The following LIPI variants were observed in gnomAD, a reference collection of about 807,000 sequenced individuals.
The protein encoded by LIPI is lipase I.
A neutral mutation model predicts 50.6 loss-of-function variants in LIPI; 59 were observed. The ratio of observed to expected loss-of-function variants is 1.16; its 90% CI spans 0.94 to 1.45. The LOEUF (loss-of-function observed/expected upper bound fraction) is 1.45. Ranked by LOEUF, LIPI falls within the 40% of genes most tolerant of loss-of-function variation. The pLI, the probability that LIPI is intolerant of heterozygous loss-of-function variation, is 0.00. For synonymous variants in LIPI, 203 were observed against 178.2 expected (o/e 1.14, Z -1.11); for missense variants, 586 against 536.3 (o/e 1.09, Z -0.92).
chr21:14,131,426 C>T (rs889492258), intron 9 of LIPI, among the ~76,000 whole-genome samples: 5 of 152,182 alleles, frequency 3.3e-5, no homozygotes, highest in African/African-American at 1.2e-4. Flanking sequence ...TACCTTAAGT[C>T]ACTGAGGAAA....
At chr21:14,193,504 T>G (rs2019746074) in intron 1 of LIPI, among the ~76,000 whole-genome samples, 2 of 152,198 alleles carry the variant, frequency 1.3e-5, no homozygotes, top group Admixed American at 1.3e-4. Flanking sequence ...TACAAGAGAC[T>G]CAGTTTAGAT....
intron 1 of LIPI, among the ~76,000 whole-genome samples, chr21:14,191,045 C>A (rs938382288): frequency 2.0e-5 from 3 of 151,738 alleles, no homozygotes; most frequent in African/African-American, 7.3e-5. Context: ...CATTAGAATG[C>A]AAGAAAAAAT....
intron 3 of LIPI, among the ~76,000 whole-genome samples, chr21:14,185,231 G>A (rs1171475816): frequency 6.6e-6 from 1 of 152,130 alleles, no homozygotes; most frequent in Non-Finnish European, 1.5e-5. Flanking sequence ...CCTCAAATTG[G>A]ATGCAACTCC....
chr21:14,131,971 G>T (rs1354728823), intron 9 of LIPI, among the ~76,000 whole-genome samples: 7 of 152,064 alleles, frequency 4.6e-5, no homozygotes, highest in Non-Finnish European at 1.0e-4. Flanking sequence ...GAAGAAGAAA[G>T]AATCTCAGAA....
intron 9 of LIPI, 46 bp from the exon 10 acceptor site, chr21:14,109,126 A>C: frequency 1.4e-6 from 2 of 1,466,216 alleles, no homozygotes; most frequent in African/African-American, 2.8e-5. Context: ...ACTATTAGTA[A>C]AACAACAGAG....
At chr21:14,141,170 T>A (rs902422661) in intron 9 of LIPI, among the ~76,000 whole-genome samples, 1 of 152,150 alleles carries the variant, frequency 6.6e-6, no homozygotes, top group Non-Finnish European at 1.5e-5. Flanking sequence ...AAGGGGAATT[T>A]TTTTTTATTA....
At chr21:14,196,120 C>T (rs972475841) in intron 1 of LIPI, among the ~76,000 whole-genome samples, 3 of 44,144 alleles carry the variant, frequency 6.8e-5, no homozygotes, top group South Asian at 1.5e-3. Flanking sequence ...TTTACGAGTT[C>T]GTAGCGTTTT....
intron 8 of LIPI, among the ~76,000 whole-genome samples, chr21:14,149,917 T>TG: frequency 6.6e-6 from 1 of 152,300 alleles, no homozygotes; most frequent in Non-Finnish European, 1.5e-5. Context: ...TCCAGGTGCA[T>TG]GGTGCAAGCT....
intron 8 of LIPI, among the ~76,000 whole-genome samples, chr21:14,149,279 A>G (rs980620398): frequency 2.0e-5 from 3 of 152,106 alleles, no homozygotes; most frequent in African/African-American, 7.2e-5. Context: ...AAACCATCAG[A>G]TCTCTTGAGA....
chr21:14,147,595 A>G (rs2017950710), intron 8 of LIPI, among the ~76,000 whole-genome samples: 1 of 152,206 alleles, frequency 6.6e-6, no homozygotes, highest in Non-Finnish European at 1.5e-5. Flanking sequence ...TTTGTCCAGA[A>G]TTGTATCCCC....
intron 9 of LIPI, among the ~76,000 whole-genome samples, chr21:14,125,907 T>G (rs2017045641): frequency 6.6e-6 from 1 of 152,082 alleles, no homozygotes; most frequent in Non-Finnish European, 1.5e-5. Flanking sequence ...AATTAAAAGA[T>G]GTAAATATCC....
intron 9 of LIPI, among the ~76,000 whole-genome samples, chr21:14,125,751 G>T (rs929605697): frequency 6.6e-6 from 1 of 152,026 alleles, no homozygotes; most frequent in Non-Finnish European, 1.5e-5. Flanking sequence ...GTAGAGACAG[G>T]TCTTCACCAT....
At chr21:14,127,487 T>G (rs1262567944) in intron 9 of LIPI, among the ~76,000 whole-genome samples, 1 of 152,192 alleles carries the variant, frequency 6.6e-6, no homozygotes, top group African/African-American at 2.4e-5. Context: ...TTTAATAAAT[T>G]TTCATAGTTT....
At chr21:14,160,227 C>T (rs2018414424) in intron 7 of LIPI, among the ~76,000 whole-genome samples, 1 of 151,100 alleles carries the variant, frequency 6.6e-6, no homozygotes, top group East Asian at 1.9e-4. Flanking sequence ...GATATTAATG[C>T]TTACTATATA....
chr21:14,169,433 C>T (rs1359302311), intron 4 of LIPI, among the ~76,000 whole-genome samples: 2 of 152,166 alleles, frequency 1.3e-5, no homozygotes, highest in Non-Finnish European at 2.9e-5. Context: ...CCACACCACA[C>T]CTATTCCAAA....
chr21:14,154,991 C>T (rs906651359), intron 7 of LIPI, among the ~76,000 whole-genome samples: 6 of 151,884 alleles, frequency 4.0e-5, no homozygotes, highest in African/African-American at 1.2e-4. Flanking sequence ...AAATTAGATG[C>T]TGAGATTATC....
chr21:14,172,736 G>T (rs2018962053), intron 4 of LIPI, among the ~76,000 whole-genome samples: 1 of 151,858 alleles, frequency 6.6e-6, no homozygotes. Flanking sequence ...GAAGGGGGGA[G>T]GGATAGCACT....
chr21:14,122,093 A>G (rs927014336), intron 9 of LIPI, among the ~76,000 whole-genome samples: 3 of 152,236 alleles, frequency 2.0e-5, no homozygotes, highest in Non-Finnish European at 2.9e-5. Context: ...GTTGCCCAGG[A>G]GGATGCCTGT....
At chr21:14,161,194 A>G (rs946390750) in intron 7 of LIPI, among the ~76,000 whole-genome samples, 1 of 151,050 alleles carries the variant, frequency 6.6e-6, no homozygotes, top group Non-Finnish European at 1.5e-5. Flanking sequence ...TATTTGTCAT[A>G]GCCAAAACCT....
Sources: allele counts gnomAD v4.1 joint callset (sites outside exome capture counted in the v4.1 genomes callset), GRCh38; gene constraint gnomAD v4.1.1; transcripts MANE v1.5; gene names NCBI Gene and HGNC (gene_info 2026-07-23, HGNC 2026-07-21).